Variants in TENM2 observed in about 807,000 individuals in gnomAD.
TENM2 encodes the protein teneurin-2.
A neutral mutation model predicts 245.2 loss-of-function variants in TENM2; 52 were observed. The observed-to-expected ratio is 0.21, with a 90% CI of 0.17 to 0.27. The LOEUF is 0.27. Ranked by LOEUF, TENM2 falls within the 10% of genes least tolerant of loss-of-function variation. The pLI is 1.00. For missense variants in TENM2, 3,046 were observed against 3,666.8 expected, an observed-to-expected ratio of 0.83 and a Z score of 4.37; for synonymous variants, 1,363 against 1,438.9, an observed-to-expected ratio of 0.95 and a Z score of 1.19.
Position 167,500,008 on chromosome 5 carries a change from GTGTGTA to G in TENM2, c.502+124546_502+124551del, listed in dbSNP as rs1248394495. On this transcript the variant is annotated intron_variant, in intron 2 of 28. Coordinates refer to ENST00000518659, the Ensembl canonical transcript of TENM2. ...TATGTGTATGTGAGGGTGTATGTGT[GTGTGTA>G]TGTGTATGTGAGGGTGTGTGTGTGT... is the stretch of plus-strand genomic sequence containing the variant. 4.0e-5 allele frequency among the ~76,000 whole-genome samples: 6 copies of G among 149,902 alleles called. No individual in the cohort carries two copies. In the South Asian group the frequency reaches 8.5e-4, roughly 21 times the overall value.
intron 2 of TENM2, among the ~76,000 whole-genome samples, chr5:167,706,005 T>G (rs888573926): frequency 7.0e-6 from 1 of 143,122 alleles, no homozygotes; most frequent in African/African-American, 2.6e-5. Context: ...ATTTATTTAT[T>G]TATTTACTTA....
chr5:168,022,559 G>T (rs1786246477), intron 5 of TENM2, among the ~76,000 whole-genome samples: 1 of 152,194 alleles, frequency 6.6e-6, no homozygotes, highest in African/African-American at 2.4e-5. Context: ...TACCACTCGG[G>T]TTAAGTTTTG....
At chr5:167,890,337 CT>C (rs1182431732) in intron 3 of TENM2, among the ~76,000 whole-genome samples, 10 of 152,194 alleles carry the variant, frequency 6.6e-5, no homozygotes, top group Non-Finnish European at 1.0e-4. Context: ...GAAACTAAAG[CT>C]GTTGCCCCTT....
chr5:167,559,366 G>A (rs1209816497), intron 2 of TENM2, among the ~76,000 whole-genome samples: 1 of 152,150 alleles, frequency 6.6e-6, no homozygotes, highest in Non-Finnish European at 1.5e-5. Flanking sequence ...GTCAAATCCA[G>A]ATGTCACAAA....
intron 2 of TENM2, among the ~76,000 whole-genome samples, chr5:167,805,971 A>G (rs1766133337): frequency 6.6e-6 from 1 of 152,160 alleles, no homozygotes; most frequent in Admixed American, 6.6e-5. Context: ...CAGTGAGAAT[A>G]CTTTGGGTTT....
chr5:168,181,411 C>T (rs141414806), intron 13 of TENM2, among the ~76,000 whole-genome samples: 1 of 152,178 alleles, frequency 6.6e-6, no homozygotes, highest in African/African-American at 2.4e-5. Flanking sequence ...TCTTAAGCAG[C>T]CCGTGCTTTT....
intron 2 of TENM2, among the ~76,000 whole-genome samples, chr5:167,806,782 T>C (rs1444693092): frequency 6.6e-6 from 1 of 152,004 alleles, no homozygotes; most frequent in Non-Finnish European, 1.5e-5. Context: ...AGAATACATA[T>C]TAAAATGAGT....
chr5:167,368,449 G>A (rs1311710670), intron 1 of TENM2, among the ~76,000 whole-genome samples: 1 of 151,948 alleles, frequency 6.6e-6, no homozygotes, highest in Non-Finnish European at 1.5e-5. Flanking sequence ...AATACTTGAT[G>A]AGTTCATTAA....
chr5:167,350,502 G>T (rs1758765669), intron 1 of TENM2, among the ~76,000 whole-genome samples: 1 of 142,676 alleles, frequency 7.0e-6, no homozygotes. Context: ...ATATATACAA[G>T]ATATATATAT....
At chr5:168,033,196 C>A (rs538099943) in intron 5 of TENM2, 1 of 152,084 alleles carries the variant, frequency 6.6e-6, no homozygotes, top group South Asian at 2.1e-4. Context: ...CAAAAGCAAA[C>A]ACAAGTGCTA....
intron 13 of TENM2, among the ~76,000 whole-genome samples, chr5:168,167,279 G>A (rs779152867): frequency 1.3e-5 from 2 of 152,018 alleles, no homozygotes; most frequent in Non-Finnish European, 2.9e-5. Flanking sequence ...GGGTAGGAGA[G>A]AGGGTGTAGG....
intron 2 of TENM2, among the ~76,000 whole-genome samples, chr5:167,403,617 G>C (rs1368792249): frequency 2.0e-5 from 3 of 152,106 alleles, no homozygotes; most frequent in Non-Finnish European, 4.4e-5. Flanking sequence ...CTAAAACCTT[G>C]TCTGAGTGCT....
At chr5:167,775,099 T>A (rs2973666) in intron 2 of TENM2, among the ~76,000 whole-genome samples, 150,133 of 152,298 alleles carry the variant, frequency 0.99, 74,028 homozygotes, top group Middle Eastern at 1. Context: ...CCTCTCAAGT[T>A]GCTGGATTAC....
the TENM2 span, among the ~76,000 whole-genome samples, chr5:167,019,819 A>C: frequency 0.83 from 126,316 of 152,010 alleles, 52,989 homozygotes; most frequent in Admixed American, 0.91. Flanking sequence ...GGGGGCTCTT[A>C]AGCCCTAAAA....
At chr5:167,731,684 C>T (rs1218415311) in intron 2 of TENM2, among the ~76,000 whole-genome samples, 1 of 146,828 alleles carries the variant, frequency 6.8e-6, no homozygotes, top group African/African-American at 2.5e-5. Context: ...ACTAAAGCAT[C>T]AATTTCTCAG....
intron 2 of TENM2, among the ~76,000 whole-genome samples, chr5:167,801,901 C>G (rs1188529349): frequency 3.1e-5 from 1 of 32,060 alleles, no homozygotes; most frequent in Non-Finnish European, 6.8e-5. Context: ...CATGCACACA[C>G]ACAGACACAC....
intron 2 of TENM2, among the ~76,000 whole-genome samples, chr5:167,443,889 G>A (rs984363694): frequency 6.6e-6 from 1 of 151,990 alleles, no homozygotes; most frequent in Non-Finnish European, 1.5e-5. Context: ...TTTTTGTAGT[G>A]TTTAATTTAA....
intron 1 of TENM2, among the ~76,000 whole-genome samples, chr5:167,351,943 A>C (rs1244940816): frequency 6.6e-6 from 1 of 152,180 alleles, no homozygotes; most frequent in African/African-American, 2.4e-5. Flanking sequence ...GAGGTCTTTA[A>C]TATCTCTCTC....
At chr5:167,732,514 T>C (rs1488145424) in intron 2 of TENM2, among the ~76,000 whole-genome samples, 1 of 152,190 alleles carries the variant, frequency 6.6e-6, no homozygotes, top group African/African-American at 2.4e-5. Flanking sequence ...GTATGTTTTT[T>C]GTCTCACTGC....
Sources: allele counts gnomAD v4.1 joint callset (sites outside exome capture counted in the v4.1 genomes callset), GRCh38; gene constraint gnomAD v4.1.1; transcripts MANE v1.5; gene names NCBI Gene and HGNC (gene_info 2026-07-23, HGNC 2026-07-21).